CD96: variants seen among roughly 807,000 people sequenced by gnomAD.
CD96 encodes the protein T-cell surface protein tactile.
In CD96, 70 loss-of-function variants were observed where a neutral mutation model predicts 71.3. The observed-to-expected ratio is 0.98, with a 90% CI of 0.81 to 1.20. The LOEUF (loss-of-function observed/expected upper bound fraction) is 1.20, where lower values mean the gene tolerates loss of function less well. CD96 is among the 50% of genes most tolerant of loss of function. CD96 has a pLI of 0.00. For synonymous variants in CD96, 248 were observed against 233.0 expected, an observed-to-expected ratio of 1.06 and a Z score of -0.59; for missense variants, 742 against 677.5, an observed-to-expected ratio of 1.10 and a Z score of -1.06.
intron 4 of CD96, among the ~76,000 whole-genome samples, chr3:111,581,344 A>G (rs1002594387): frequency 2.6e-5 from 4 of 152,188 alleles, no homozygotes; most frequent in Non-Finnish European, 5.9e-5. Context: ...CCCTGACCAC[A>G]TATCTTATAA....
At chr3:111,602,914 T>A (rs1194216434) in intron 7 of CD96, among the ~76,000 whole-genome samples, 1 of 152,148 alleles carries the variant, frequency 6.6e-6, no homozygotes, top group African/African-American at 2.4e-5. Flanking sequence ...CCCTTTTGCT[T>A]CCAGAAAAGG....
At position 111,638,179 on chromosome 3, in the gene CD96, T is replaced by C; in HGVS notation, c.1477+11T>C. On this transcript the variant is annotated intron_variant, in intron 12 of 13. Coordinates refer to ENST00000352690, the MANE Select transcript of CD96 (RefSeq NM_005816.5). ...ACGTCCATATCACTGGTAAGTCATT[T>C]ATCCTATTTTGGGGGATTTTATGCT... 1.3e-6 allele frequency: 2 copies of C among 1,504,066 alleles called. No individual in the cohort carries two copies. Among genetic ancestry groups the C allele is most frequent in the Non-Finnish European group, 1.9e-6 (2 of 1,079,710 alleles). The allele number at this position is 1,504,066 out of a possible 1,614,324, so 93.2% of individuals were successfully genotyped here. A position where few individuals can be genotyped will look rare whatever the true frequency, so the allele number is the denominator to read the frequency against.
chr3:111,594,298 G>T, intron 5 of CD96: 2 of 1,437,564 alleles, frequency 1.4e-6, no homozygotes, highest in African/African-American at 1.4e-5. Flanking sequence ...AAGGGCCTGT[G>T]GTAACTCTTG....
chr3:111,579,013 A>AT lies in CD96; in HGVS notation c.544-9dup. The AT allele has an allele frequency of 6.7e-7, 1 of 1,483,942 alleles. No homozygotes were observed. Among genetic ancestry groups the AT allele is most frequent in the Non-Finnish European group, 9.4e-7 (1 of 1,061,760 alleles). The allele number at this position is 1,483,942 out of a possible 1,614,324, so 91.9% of individuals were successfully genotyped here. On this transcript the variant is annotated splice_polypyrimidine_tract_variant and intron_variant, in intron 3 of 13. Transcript: ENST00000352690. ...GTTGAGGACTCAATAACTGGTAACAATTTTTCTCACCAGGAGGATAATGGA... is the reference window on the plus strand; with the variant it reads ...GTTGAGGACTCAATAACTGGTAACAATTTTTTCTCACCAGGAGGATAATGGA...
At chr3:111,607,948 T>C (rs1473362311) in intron 8 of CD96, among the ~76,000 whole-genome samples, 2 of 152,238 alleles carry the variant, frequency 1.3e-5, no homozygotes, top group African/African-American at 4.8e-5. Flanking sequence ...TAAATCTCTC[T>C]AGTATCCTGT....
At chr3:111,579,650 C>T (rs1364685751) in intron 4 of CD96, among the ~76,000 whole-genome samples, 3 of 152,226 alleles carry the variant, frequency 2.0e-5, no homozygotes, top group Non-Finnish European at 4.4e-5. Context: ...TATCACATGG[C>T]GAGGGGACAG....
chr3:111,654,841 C>T (rs1264053636), downstream of CD96, among the ~76,000 whole-genome samples: 3 of 152,228 alleles, frequency 2.0e-5, no homozygotes. Flanking sequence ...TGCCATTCAA[C>T]TATCACCAGA....
intron 5 of CD96, chr3:111,592,955 G>A (rs1937062975): frequency 6.6e-6 from 1 of 152,220 alleles, no homozygotes; most frequent in East Asian, 1.9e-4. Context: ...AATAACAGGA[G>A]AAAGAGACGC....
chr3:111,570,021 G>C (rs1311780599), intron 3 of CD96, among the ~76,000 whole-genome samples: 1 of 151,668 alleles, frequency 6.6e-6, no homozygotes, highest in Non-Finnish European at 1.5e-5. Flanking sequence ...ACCCTAGGCT[G>C]GGGCTGCTTG....
intron 2 of CD96, among the ~76,000 whole-genome samples, chr3:111,560,574 A>T (rs1255696447): frequency 5.7e-5 from 6 of 106,138 alleles, no homozygotes; most frequent in Non-Finnish European, 3.9e-5. Flanking sequence ...CTGCCGAGAG[A>T]TCCACTGTTA....
intron 5 of CD96, among the ~76,000 whole-genome samples, chr3:111,589,163 G>T (rs1224647032): frequency 6.6e-6 from 1 of 151,674 alleles, no homozygotes; most frequent in Non-Finnish European, 1.5e-5. Context: ...TGTTAGCCAG[G>T]GTGGTCTCAA....
chr3:111,571,096 G>A (rs189401065), intron 3 of CD96: 2 of 786,004 alleles, frequency 2.5e-6, no homozygotes, highest in South Asian at 1.5e-5. Flanking sequence ...CTAAGACCCG[G>A]GCATCCCTCT....
rs181558182 is a variant in CD96, at chr3:111,615,890, A to T, written c.1181-7864A>T. Among the ~76,000 whole-genome samples, 40 of 152,188 alleles carry T rather than the reference A, an allele frequency of 2.6e-4. No homozygotes were observed. In the East Asian group the frequency reaches 6.9e-3, roughly 26 times the overall value. ...AAGCTAGCCTCCTAGCTGTTTCTTC[A>T]ACATACCAGGATTTCTCTCATCTCA... is the stretch of plus-strand genomic sequence containing the variant. On this transcript the variant is annotated intron_variant, in intron 8 of 13. Coordinates refer to ENST00000352690, the MANE Select transcript of CD96 (RefSeq NM_005816.5).
chr3:111,570,383 C>G (rs552489263), intron 3 of CD96, among the ~76,000 whole-genome samples: 2 of 152,208 alleles, frequency 1.3e-5, no homozygotes, highest in Admixed American at 6.5e-5. Flanking sequence ...TCCTTGGGAT[C>G]AAAGGTTGTG....
At chr3:111,583,875 T>A (rs978977392) in intron 4 of CD96, among the ~76,000 whole-genome samples, 4 of 152,218 alleles carry the variant, frequency 2.6e-5, no homozygotes, top group Non-Finnish European at 2.9e-5. Context: ...GTCTCTGATG[T>A]GGCCTGGGGA....
At chr3:111,544,957 C>T in intron 1 of CD96, 89 bp from the exon 2 acceptor site, 8 of 1,099,088 alleles carry the variant, frequency 7.3e-6, no homozygotes, top group Non-Finnish European at 1.1e-5. Flanking sequence ...CAGTTGCTCC[C>T]CTCACCTTAC....
At chr3:111,577,079 TG>T (rs1936251663) in intron 3 of CD96, among the ~76,000 whole-genome samples, 1 of 152,178 alleles carries the variant, frequency 6.6e-6, no homozygotes, top group South Asian at 2.1e-4. Context: ...TTGGATAAGT[TG>T]GAAGGTTTTG....
chr3:111,637,795 CTTT>C (rs11326112), intron 11 of CD96, among the ~76,000 whole-genome samples: 10 of 142,738 alleles, frequency 7.0e-5, no homozygotes, highest in African/African-American at 5.1e-5. Flanking sequence ...TATGGAGCTT[CTTT>C]TTTTTTTTTT....
intron 14 of CD96, among the ~76,000 whole-genome samples, chr3:111,660,667 A>G (rs967842478): frequency 6.6e-6 from 1 of 152,242 alleles, no homozygotes; most frequent in African/African-American, 2.4e-5. Flanking sequence ...GTACAAAAAC[A>G]GACACATAAA....
Sources: allele counts gnomAD v4.1 joint callset (sites outside exome capture counted in the v4.1 genomes callset), GRCh38; gene constraint gnomAD v4.1.1; transcripts MANE v1.5; gene names NCBI Gene and HGNC (gene_info 2026-07-23, HGNC 2026-07-21).